Variants in LRRTM4 observed in about 807,000 individuals in gnomAD.
LRRTM4 encodes leucine rich repeat transmembrane neuronal 4, also known as leucine-rich repeat transmembrane neuronal protein 4.
LRRTM4 carries 25 observed loss-of-function variants against 47.6 expected under a neutral mutation model. The observed-to-expected ratio is 0.53, with a 90% confidence interval of 0.38 to 0.73. The LOEUF (loss-of-function observed/expected upper bound fraction) is 0.73, where lower values mean the gene tolerates loss of function less well. LRRTM4 is among the 30% of genes least tolerant of loss of function. The pLI is 0.00. For missense variants in LRRTM4, 638 were observed against 713.4 expected (o/e 0.89, Z 1.20); for synonymous variants, 311 against 269.5 (o/e 1.15, Z -1.51).
intron 3 of LRRTM4, among the ~76,000 whole-genome samples, chr2:77,199,698 A>G (rs1434280862): frequency 6.6e-6 from 1 of 152,170 alleles, no homozygotes; most frequent in African/African-American, 2.4e-5. Flanking sequence ...AAATTTTATC[A>G]TGAACATTCT....
Position 76,965,944 on chromosome 2 carries a change from T to C in LRRTM4, c.1552-217028A>G, listed in dbSNP as rs183775012. ...CCCTCATAATAACTGTAGGGGTTGA[T>C]TGGAGCCAGGTACTCACTGGCCAGC... On this transcript the variant is annotated intron_variant, in intron 3 of 3. Transcript: ENST00000409884. 1.9e-4 allele frequency among the ~76,000 whole-genome samples: 29 copies of C among 151,528 alleles called. No homozygotes were observed. In the East Asian group the frequency reaches 4.1e-3, roughly 21 times the overall value.
intron 3 of LRRTM4, among the ~76,000 whole-genome samples, chr2:77,227,806 A>C (rs905247869): frequency 6.6e-6 from 1 of 152,082 alleles, no homozygotes; most frequent in Non-Finnish European, 1.5e-5. Flanking sequence ...TTATTCTACA[A>C]CCAGGATTGT....
intron 3 of LRRTM4, among the ~76,000 whole-genome samples, chr2:76,906,435 C>A (rs900325546): frequency 1.3e-5 from 2 of 151,956 alleles, no homozygotes; most frequent in South Asian, 4.2e-4. Flanking sequence ...GAAACTGCAT[C>A]AACTAACGAG....
At chr2:76,986,379 A>G (rs1290018923) in intron 3 of LRRTM4, among the ~76,000 whole-genome samples, 1 of 150,918 alleles carries the variant, frequency 6.6e-6, no homozygotes, top group Non-Finnish European at 1.5e-5. Context: ...TTTCTTTTCA[A>G]GATATGATGT....
chr2:77,013,767 A>T (rs1166962555), intron 3 of LRRTM4, among the ~76,000 whole-genome samples: 1 of 152,132 alleles, frequency 6.6e-6, no homozygotes, highest in Admixed American at 6.6e-5. Flanking sequence ...GGGAGAAACA[A>T]CTCAGATAAA....
chr2:76,883,149 C>T (rs1204550091), intron 3 of LRRTM4, among the ~76,000 whole-genome samples: 3 of 152,134 alleles, frequency 2.0e-5, no homozygotes, highest in Admixed American at 2.0e-4. Context: ...TGAAACTCAT[C>T]TTCAATAAGA....
intron 3 of LRRTM4, among the ~76,000 whole-genome samples, chr2:77,435,638 T>C (rs1049196029): frequency 6.6e-6 from 1 of 152,072 alleles, no homozygotes; most frequent in Non-Finnish European, 1.5e-5. Flanking sequence ...GAAAGATACA[T>C]GAAAGTTTGG....
At chr2:77,410,787 T>A (rs1674388760) in intron 3 of LRRTM4, among the ~76,000 whole-genome samples, 1 of 152,212 alleles carries the variant, frequency 6.6e-6, no homozygotes, top group Non-Finnish European at 1.5e-5. Flanking sequence ...TAAAACTGAC[T>A]GAGCACATCA....
intron 3 of LRRTM4, among the ~76,000 whole-genome samples, chr2:77,254,958 C>T (rs950683685): frequency 6.2e-5 from 9 of 146,192 alleles, no homozygotes; most frequent in East Asian, 2.0e-4. Flanking sequence ...ATTCATTAAA[C>T]GTAAATAATC....
At chr2:76,834,026 A>ATTTC (rs200949492) in intron 3 of LRRTM4, among the ~76,000 whole-genome samples, 1 of 123,716 alleles carries the variant, frequency 8.1e-6, no homozygotes, top group African/African-American at 3.9e-5. Flanking sequence ...TTTATTATTT[A>ATTTC]TTTATTTATT....
At chr2:77,119,161 G>A (rs1671463037) in intron 3 of LRRTM4, among the ~76,000 whole-genome samples, 1 of 151,772 alleles carries the variant, frequency 6.6e-6, no homozygotes, top group Non-Finnish European at 1.5e-5. Flanking sequence ...TACAATGTAT[G>A]CTCTCTTTTG....
intron 3 of LRRTM4, among the ~76,000 whole-genome samples, chr2:77,300,215 C>A (rs915170003): frequency 1.3e-5 from 2 of 152,064 alleles, no homozygotes; most frequent in African/African-American, 4.8e-5. Flanking sequence ...GCAATGACTT[C>A]TAGGAAACAT....
chr2:77,015,239 C>T lies in LRRTM4; in HGVS notation c.1552-266323G>A, dbSNP rs1249059404. On this transcript the variant is annotated intron_variant, in intron 3 of 3. Coordinates refer to ENST00000409884, the MANE Select transcript of LRRTM4 (RefSeq NM_001134745.3). Reference sequence around the variant, plus strand: ...GCCTGCCTGGCTTGTCCCTAAATCACGTAAGCCAACTCCTTGCAATAAATC... The same window carrying T: ...GCCTGCCTGGCTTGTCCCTAAATCATGTAAGCCAACTCCTTGCAATAAATC... Among the ~76,000 whole-genome samples, 7 of 152,272 alleles carry T rather than the reference C, an allele frequency of 4.6e-5. No individual in the cohort carries two copies. The Middle Eastern group carries it at 0.014, about 296-fold the overall frequency.
intron 3 of LRRTM4, among the ~76,000 whole-genome samples, chr2:77,321,592 G>GAAAAAAT (rs1397063878): frequency 2.2e-5 from 3 of 138,410 alleles, no homozygotes; most frequent in African/African-American, 8.9e-5. Flanking sequence ...GAAAAGAAAA[G>GAAAAAAT]AAAAAAGAAA....
chr2:77,364,830 TA>T (rs1177659008), intron 3 of LRRTM4, among the ~76,000 whole-genome samples: 25 of 152,244 alleles, frequency 1.6e-4, no homozygotes, highest in Admixed American at 1.6e-3. Flanking sequence ...ATTGTTATAG[TA>T]ATTTTTGTGT....
chr2:77,376,355 C>A (rs755213054), intron 3 of LRRTM4, among the ~76,000 whole-genome samples: 1 of 151,566 alleles, frequency 6.6e-6, no homozygotes, highest in Non-Finnish European at 1.5e-5. Flanking sequence ...AAGTGAGAAA[C>A]CAGTATTGCT....
chr2:77,204,354 TG>T (rs1169721663), intron 3 of LRRTM4, among the ~76,000 whole-genome samples: 6 of 151,674 alleles, frequency 4.0e-5, no homozygotes, highest in African/African-American at 1.5e-4. Context: ...GAATAAATAC[TG>T]ATGATGATGA....
chr2:77,382,340 C>T lies in LRRTM4; in HGVS notation c.1551+135978G>A, dbSNP rs530864424. ...TTGCTTTTAACCATATAATTTCTCC[C>T]AGAAACCCTGCGCTTGTCAACATCA... On this transcript the variant is annotated intron_variant, in intron 3 of 3. Coordinates refer to ENST00000409884, the MANE Select transcript of LRRTM4 (RefSeq NM_001134745.3). Among the ~76,000 whole-genome samples the T allele has an allele frequency of 2.4e-4, 37 of 152,160 alleles. 1 individual carries two copies. The highest frequency in any genetic ancestry group is 7.9e-4 in the African/African-American group (33 of 41,530).
intron 3 of LRRTM4, among the ~76,000 whole-genome samples, chr2:77,130,276 G>T (rs1029102190): frequency 2.0e-5 from 3 of 152,056 alleles, no homozygotes; most frequent in Non-Finnish European, 2.9e-5. Context: ...TTATTAACAA[G>T]TAGGCATTAC....
Sources: gnomAD v4.1 joint callset for allele counts (sites outside exome capture counted in the v4.1 genomes callset) on GRCh38, gnomAD v4.1.1 for gene constraint, MANE v1.5 for transcripts, NCBI Gene and HGNC (gene_info 2026-07-23, HGNC 2026-07-21) for gene names.